ETDA: variants seen among roughly 807,000 people sequenced by gnomAD.
ETDA encodes embryonic testis differentiation homolog A.
intron 1 of ETDA, among the ~76,000 whole-genome samples, chrX:135,252,364 A>G (rs1556413681): frequency 1.3e-5 from 1 of 75,461 alleles, no homozygotes; most frequent in African/African-American, 5.3e-5. Flanking sequence ...CACAGTGAGC[A>G]TCCACCCCTA....
chrX:135,252,158 C>T lies in ETDA; in HGVS notation c.-288+60C>T, dbSNP rs1422025595. 1.1e-4 allele frequency: 11 copies of T among 98,133 alleles called. 1 individual carries two copies. The highest frequency in any genetic ancestry group is 2.2e-4 in the Non-Finnish European group (11 of 49,163). The allele number at this position is 98,133 out of a possible 1,213,427, so 8.1% of individuals were successfully genotyped here. On this transcript the variant is annotated intron_variant, in intron 1 of 2. Coordinates refer to ENST00000427686, the MANE Select transcript of ETDA (RefSeq NM_001355522.1). Reference sequence around the variant, plus strand: ...TCCTTTTGTGCCATTAACTAACTAACCTACCTGATAAACCCCAACCCTGTT... The same window carrying T: ...TCCTTTTGTGCCATTAACTAACTAATCTACCTGATAAACCCCAACCCTGTT...
chrX:135,252,256 A>T lies in ETDA; in HGVS notation c.-288+158A>T, dbSNP rs782440947. ...AGAGACACTACAGAGCAGTGGGTAA[A>T]AGCAGAAGCTTCAGATACAGGCTTT... is the stretch of plus-strand genomic sequence containing the variant. On this transcript the variant is annotated intron_variant, in intron 1 of 2. Coordinates refer to ENST00000427686, the MANE Select transcript of ETDA (RefSeq NM_001355522.1). Among the ~76,000 whole-genome samples, 3 of 104,015 alleles carry T rather than the reference A, an allele frequency of 2.9e-5. No individual in the cohort carries two copies. In the East Asian group the frequency reaches 8.7e-4, roughly 30 times the overall value. The allele number at this position is 104,015 out of a possible 115,157, so 90.3% of individuals were successfully genotyped here.
At chrX:135,252,300 TC>T (rs1318565347) in intron 1 of ETDA, among the ~76,000 whole-genome samples, 1 of 96,622 alleles carries the variant, frequency 1.0e-5, no homozygotes, top group Non-Finnish European at 2.1e-5. Flanking sequence ...CAATCTCACC[TC>T]TCTGTCACTT....
chrX:135,252,211 T>G (rs1189892332), intron 1 of ETDA, 113 bp downstream of exon 1: 1 of 104,228 alleles, frequency 9.6e-6, no homozygotes, highest in African/African-American at 3.7e-5. Flanking sequence ...TATCAAAGAG[T>G]CATTTGTTCA....
rs1345481819 is a variant in ETDA at position 135,253,504 on chromosome X, A to G, written c.*48A>G. On this transcript the variant is annotated 3_prime_UTR_variant, in exon 3 of 3. Coordinates refer to ENST00000427686, the MANE Select transcript of ETDA (RefSeq NM_001355522.1). ...CCTTGGACAAAAAGTCATGTGGCTT[A>G]CGTGCTGAAGCCTGCCCATATTTTT... 3.4e-6 allele frequency: 1 copy of G among 293,276 alleles called. No homozygotes were observed. The highest frequency in any genetic ancestry group is 2.8e-5 in the African/African-American group (1 of 35,861). 24.2% of individuals were successfully genotyped at this position (293,276 alleles called of 1,213,427 possible).
chrX:135,252,143 C>T (rs1323625886), intron 1 of ETDA, 45 bp downstream of exon 1: 2 of 94,206 alleles, frequency 2.1e-5, no homozygotes, highest in Non-Finnish European at 4.2e-5. Flanking sequence ...TCCTTTTGTG[C>T]CATTAACTAA....
rs1379674179 is a variant in ETDA, at chrX:135,252,603, A to AT, written c.-247dup. On this transcript the variant is annotated 5_prime_UTR_variant, in exon 2 of 3. Coordinates refer to ENST00000427686, the MANE Select transcript of ETDA (RefSeq NM_001355522.1). ...AAGATTCATACCTGCTTCACCAGTG[A>AT]TTTTCAAAGGAGGCAAATCCTATTT... 2 of 70,974 alleles carry AT rather than the reference A, an allele frequency of 2.8e-5. No homozygotes were observed. The highest frequency in any genetic ancestry group is 5.3e-5 in the Non-Finnish European group (2 of 38,052). 5.8% of individuals were successfully genotyped at this position (70,974 alleles called of 1,213,427 possible).
chrX:135,252,290 C>T (rs2083782082), intron 1 of ETDA, among the ~76,000 whole-genome samples, 192 bp downstream of exon 1: 1 of 99,343 alleles, frequency 1.0e-5, no homozygotes, highest in Non-Finnish European at 2.0e-5. Context: ...TTCTCAGTTC[C>T]AATCTCACCT....
In ETDA at chrX:135,252,242, A is replaced by G. The variant is rs1223777236; in HGVS notation, c.-288+144A>G. The G allele has an allele frequency of 2.9e-5, 3 of 105,139 alleles. 1 individual carries two copies. Among genetic ancestry groups the G allele is most frequent in the African/African-American group, 1.1e-4 (3 of 27,534 alleles). 8.7% of individuals were successfully genotyped at this position (105,139 alleles called of 1,213,427 possible). On this transcript the variant is annotated intron_variant, in intron 1 of 2. Transcript: ENST00000427686. ...GTTCAAACTGATACAGAGACACTACAGAGCAGTGGGTAAAAGCAGAAGCTT... is the reference window on the plus strand; with the variant it reads ...GTTCAAACTGATACAGAGACACTACGGAGCAGTGGGTAAAAGCAGAAGCTT...
At position 135,253,472 on chromosome X, in the gene ETDA, G is replaced by A. The variant is rs1556413863; in HGVS notation, c.*16G>A. On this transcript the variant is annotated 3_prime_UTR_variant, in exon 3 of 3. Coordinates refer to ENST00000427686, the MANE Select transcript of ETDA (RefSeq NM_001355522.1). ...GCTGTCATAAAGCAACTCTAGGGTG[G>A]ACATGGCCTTGGACAAAAAGTCATG... The A allele has an allele frequency of 1.0e-5, 3 of 292,022 alleles. No homozygotes were observed. Among genetic ancestry groups the A allele is most frequent in the African/African-American group, 8.5e-5 (3 of 35,489 alleles). 24.1% of individuals were successfully genotyped at this position (292,022 alleles called of 1,213,427 possible).
At position 135,253,462 on chromosome X, in the gene ETDA, C is replaced by T. The variant is rs2083791269; in HGVS notation, c.*6C>T. On this transcript the variant is annotated 3_prime_UTR_variant, in exon 3 of 3. Coordinates refer to ENST00000427686, the MANE Select transcript of ETDA (RefSeq NM_001355522.1). ...GGGTGTGGATGCTGTCATAAAGCAACTCTAGGGTGGACATGGCCTTGGACA... is the reference window on the plus strand; with the variant it reads ...GGGTGTGGATGCTGTCATAAAGCAATTCTAGGGTGGACATGGCCTTGGACA... The T allele has an allele frequency of 3.4e-6, 1 of 291,638 alleles. No individual in the cohort carries two copies. The highest frequency in any genetic ancestry group is 2.8e-5 in the African/African-American group (1 of 35,383). The allele number at this position is 291,638 out of a possible 1,213,427, so 24.0% of individuals were successfully genotyped here. A position where few individuals can be genotyped will look rare whatever the true frequency, so the allele number is the denominator to read the frequency against.
intron 1 of ETDA, among the ~76,000 whole-genome samples, chrX:135,252,315 C>T (rs1366461144): frequency 6.5e-5 from 6 of 92,807 alleles, no homozygotes; most frequent in Non-Finnish European, 1.3e-4. Context: ...GTCACTTGGG[C>T]AAGTCTTTTA....
In ETDA at chrX:135,252,625, AT is replaced by A. The variant is rs1301620493; in HGVS notation, c.-226del. 1.2e-5 allele frequency: 1 copy of A among 81,590 alleles called. No individual in the cohort carries two copies. Among genetic ancestry groups the A allele is most frequent in the Non-Finnish European group, 2.3e-5 (1 of 42,560 alleles). The allele number at this position is 81,590 out of a possible 1,213,427, so 6.7% of individuals were successfully genotyped here. On this transcript the variant is annotated 5_prime_UTR_variant, in exon 2 of 3. Transcript: ENST00000427686. ...GTGATTTTCAAAGGAGGCAAATCCT[AT>A]TTGAAGCTAAAGTCACATAAAGAGA...
At chrX:135,253,131 G>GGGGT (rs1556413790) in intron 2 of ETDA, 97 bp from the exon 3 acceptor site, 1 of 195,709 alleles carries the variant, frequency 5.1e-6, no homozygotes, top group Non-Finnish European at 8.9e-6. Flanking sequence ...TGTGTATGGG[G>GGGGT]GTGTGTGTGT....
chrX:135,252,236 C>A (rs1556413664), intron 1 of ETDA, 138 bp downstream of exon 1: 1 of 105,207 alleles, frequency 9.5e-6, no homozygotes, highest in Non-Finnish European at 1.9e-5. Context: ...GATACAGAGA[C>A]ACTACAGAGC....
chrX:135,253,129 G>T, intron 2 of ETDA, 99 bp from the exon 3 acceptor site: 1 of 262,968 alleles, frequency 3.8e-6, no homozygotes, highest in Non-Finnish European at 6.6e-6. Flanking sequence ...TGTGTGTATG[G>T]GGGTGTGTGT....
chrX:135,253,186 G>T, intron 2 of ETDA, 42 bp from the exon 3 acceptor site: 1 of 270,648 alleles, frequency 3.7e-6, no homozygotes, highest in East Asian at 5.1e-5. Flanking sequence ...GGAAGAGGTT[G>T]CCGGGTACAC....
chrX:135,252,149 A>G (rs1406662208), intron 1 of ETDA, 51 bp downstream of exon 1: 3 of 96,008 alleles, frequency 3.1e-5, no homozygotes, highest in Non-Finnish European at 6.2e-5. Context: ...TGTGCCATTA[A>G]CTAACTAACC....
rs1216200351 is a variant in ETDA at position 135,253,439 on chromosome X, G to T, written c.163G>T (p.Val55Leu). The part of the protein sequence containing the change: ...HRSDIDLSRW[V>L]WMLS ...AAGTGACATCGACCTGTCAAGATGG[G>T]TGTGGATGCTGTCATAAAGCAACTC... The change falls in exon 3 of 3, where the codon GTG becomes TTG. Residue 55 changes from valine (V) to leucine (L), a missense_variant. By Grantham distance (32) the Val-to-Leu change is conservative (BLOSUM62 1). Coordinates refer to ENST00000427686, the MANE Select transcript of ETDA (RefSeq NM_001355522.1). 6.8e-6 allele frequency: 2 copies of T among 293,870 alleles called. No homozygotes were observed. The highest frequency in any genetic ancestry group is 1.2e-5 in the Non-Finnish European group (2 of 168,973). The allele number at this position is 293,870 out of a possible 1,213,427, so 24.2% of individuals were successfully genotyped here. A position where few individuals can be genotyped will look rare whatever the true frequency, so the allele number is the denominator to read the frequency against.
Sources: gnomAD v4.1 joint callset for allele counts (sites outside exome capture counted in the v4.1 genomes callset) on GRCh38, gnomAD v4.1.1 for gene constraint, MANE v1.5 for transcripts, NCBI Gene and HGNC (gene_info 2026-07-23, HGNC 2026-07-21) for gene names.